The following GABRP variants were observed in gnomAD, a reference collection of about 807,000 sequenced individuals.
GABRP encodes gamma-aminobutyric acid type A receptor subunit pi.
GABRP carries 52 observed loss-of-function variants against 47.8 expected under a neutral mutation model. The observed-to-expected ratio is 1.09, with a 90% CI of 0.87 to 1.37. The LOEUF is 1.37. Among genes scored for constraint, GABRP ranks in the 40% most tolerant of loss-of-function variants. The pLI, the probability that GABRP is intolerant of heterozygous loss-of-function variation, is 0.00. For synonymous variants in GABRP, 221 were observed against 205.8 expected (o/e 1.07, Z -0.63); for missense variants, 525 against 542.8 (o/e 0.97, Z 0.33).
At chr5:170,809,390 T>C (rs1472600797) in intron 8 of GABRP, among the ~76,000 whole-genome samples, 178 bp from the exon 9 acceptor site, 1 of 152,150 alleles carries the variant, frequency 6.6e-6, no homozygotes, top group Admixed American at 6.5e-5. Flanking sequence ...CCCTCATATC[T>C]GTACAAAATG....
In GABRP at chr5:170,783,912, AG is replaced by A. The variant is rs543461187; in HGVS notation, c.-43+42del. 6.8e-4 allele frequency: 104 copies of A among 152,338 alleles called. 2 individuals are homozygous for A. In the East Asian group the frequency reaches 0.017, roughly 25 times the overall value. 9.4% of individuals were successfully genotyped at this position (152,338 alleles called of 1,614,324 possible). A position where few individuals can be genotyped will look rare whatever the true frequency, so the allele number is the denominator to read the frequency against. On this transcript the variant is annotated intron_variant, in intron 1 of 9. Coordinates refer to ENST00000265294, the MANE Select transcript of GABRP (RefSeq NM_014211.3). ...CTGGCCCCTCCAGGTGTCTGGAGAG[AG>A]GGGAGGGAGGGAGATCCAAATACAA...
intron 6 of GABRP, among the ~76,000 whole-genome samples, chr5:170,800,762 A>C (rs555296890): frequency 6.6e-6 from 1 of 152,324 alleles, no homozygotes; most frequent in South Asian, 2.1e-4. Flanking sequence ...CCTGGCCAAG[A>C]TGGTGAAACC....
intron 6 of GABRP, among the ~76,000 whole-genome samples, chr5:170,799,077 A>G (rs1292633002): frequency 6.6e-6 from 1 of 152,006 alleles, no homozygotes; most frequent in Non-Finnish European, 1.5e-5. Context: ...GATGGTTTCC[A>G]GCTTCATCCA....
rs773168453 is a variant in GABRP, at chr5:170,795,360, T to C, written c.393T>C (p.His131=). 14 of 1,614,088 alleles carry C rather than the reference T, an allele frequency of 8.7e-6. No homozygotes were observed. In the Admixed American group the frequency reaches 2.0e-4, roughly 23 times the overall value. ...YIVESKKSFL[H]EVTVGNRLIR... ...TGGAGTCCAAGAAGTCCTTCCTCCA[T>C]GAAGTCACTGTGGGAAACAGGCTCA... The change falls in exon 5 of 10, where the codon CAT becomes CAC. Residue 131 remains histidine (H), a synonymous_variant. Transcript: ENST00000265294.
chr5:170,800,399 A>G (rs1315649522), intron 6 of GABRP, among the ~76,000 whole-genome samples: 1 of 152,164 alleles, frequency 6.6e-6, no homozygotes, highest in East Asian at 1.9e-4. Flanking sequence ...CTAGAAGAAA[A>G]CCTAAGCAAT....
intron 3 of GABRP, among the ~76,000 whole-genome samples, chr5:170,789,816 C>T (rs942782435): frequency 1.3e-5 from 2 of 152,162 alleles, no homozygotes; most frequent in Non-Finnish European, 2.9e-5. Flanking sequence ...TCCCTGACAT[C>T]CCTGGCCTCT....
At position 170,809,635 on chromosome 5, in the gene GABRP, C is replaced by T; in HGVS notation, c.900C>T (p.Asn300=). The T allele has an allele frequency of 6.2e-7, 1 of 1,614,216 alleles. No individual in the cohort carries two copies. ...CCCGCACTTCTCTTCCCAACACCAA[C>T]TGCTTCATCAAGGCCATCGATGTGT... The part of the protein sequence containing the change: ...IGSRTSLPNT[N]CFIKAIDVYL... Residue 300 remains asparagine, a synonymous_variant, in exon 9 of 10, where the codon AAC becomes AAT. Coordinates refer to ENST00000265294, the MANE Select transcript of GABRP (RefSeq NM_014211.3).
intron 5 of GABRP, among the ~76,000 whole-genome samples, chr5:170,795,905 T>C (rs1447344374): frequency 6.6e-6 from 1 of 152,206 alleles, no homozygotes; most frequent in Non-Finnish European, 1.5e-5. Flanking sequence ...AGAACACCAC[T>C]CTACTTGTCT....
chr5:170,794,152 C>T (rs1765356476), intron 3 of GABRP, 79 bp from the exon 4 acceptor site: 1 of 852,880 alleles, frequency 1.2e-6, no homozygotes, highest in Non-Finnish European at 1.7e-6. Flanking sequence ...TAATTTTAAT[C>T]TTTTTTAGAA....
chr5:170,803,734 T>G (rs1342515275), intron 6 of GABRP, among the ~76,000 whole-genome samples: 1 of 147,054 alleles, frequency 6.8e-6, no homozygotes, highest in Admixed American at 6.9e-5. Flanking sequence ...AATGGAATCA[T>G]GCACTATGTG....
chr5:170,804,451 C>G (rs1387709742), intron 6 of GABRP, among the ~76,000 whole-genome samples: 1 of 152,088 alleles, frequency 6.6e-6, no homozygotes, highest in Non-Finnish European at 1.5e-5. Flanking sequence ...GTTACTGTTT[C>G]CCAAAGTGGT....
Position 170,789,271 on chromosome 5 carries a change from A to G in GABRP, c.172+24A>G. ...TGGTAGGTCATCCTCTGTGTCCAGG[A>G]CATCATTCAAAGGGACGAAAACAGA... is the stretch of plus-strand genomic sequence containing the variant. On this transcript the variant is annotated intron_variant, in intron 3 of 9. Transcript: ENST00000265294. 4.7e-6 allele frequency: 7 copies of G among 1,485,862 alleles called. No homozygotes were observed. In the South Asian group the frequency reaches 5.7e-5, roughly 12 times the overall value. 92.0% of individuals were successfully genotyped at this position (1,485,862 alleles called of 1,614,324 possible).
chr5:170,791,161 TG>T (rs2127252448), intron 3 of GABRP, among the ~76,000 whole-genome samples: 1 of 152,310 alleles, frequency 6.6e-6, no homozygotes, highest in South Asian at 2.1e-4. Context: ...GCAGGGTCCT[TG>T]GGCAAGGAGC....
At chr5:170,801,629 C>T (rs1765594162) in intron 6 of GABRP, among the ~76,000 whole-genome samples, 1 of 152,126 alleles carries the variant, frequency 6.6e-6, no homozygotes, top group African/African-American at 2.4e-5. Context: ...ACTAAAGTCT[C>T]CAGCCAGTCT....
chr5:170,795,506 C>A, intron 5 of GABRP, 81 bp downstream of exon 5: 1 of 1,166,418 alleles, frequency 8.6e-7, no homozygotes, highest in Non-Finnish European at 1.3e-6. Flanking sequence ...TAGTTGTGAC[C>A]AGAACTCAAA....
Position 170,812,180 on chromosome 5 carries a change from T to A in GABRP, c.1245T>A (p.Asp415Glu), listed in dbSNP as rs772656047. The change falls in exon 10 of 10, where the codon GAT becomes GAA. Residue 415 changes from aspartate to glutamate, a missense_variant. By Grantham distance (45) the Asp-to-Glu change is conservative (BLOSUM62 2). Transcript: ENST00000265294. Reference protein sequence around the residue: ...YFTIQNPSNVDHYSKLLFPLI... With the variant: ...YFTIQNPSNVEHYSKLLFPLI... ...CAATTCAAAACCCCAGTAATGTTGA[T>A]CACTATTCCAAACTACTGTTTCCTT... The A allele has an allele frequency of 6.2e-7, 1 of 1,614,024 alleles. No homozygotes were observed. Among genetic ancestry groups the A allele is most frequent in the East Asian group, 2.2e-5 (1 of 44,884 alleles).
At chr5:170,785,756 G>T (rs1317857959) in intron 1 of GABRP, among the ~76,000 whole-genome samples, 2 of 152,186 alleles carry the variant, frequency 1.3e-5, no homozygotes, top group Non-Finnish European at 2.9e-5. Context: ...AGGAAATGAG[G>T]AATATGCCAA....
intron 6 of GABRP, among the ~76,000 whole-genome samples, chr5:170,804,580 T>G (rs779770448): frequency 8.5e-5 from 13 of 152,192 alleles, no homozygotes; most frequent in Non-Finnish European, 1.5e-4. Flanking sequence ...ATTGTGGTTT[T>G]GATTTGCATT....
chr5:170,803,088 G>A (rs925665220), intron 6 of GABRP, among the ~76,000 whole-genome samples: 1 of 152,040 alleles, frequency 6.6e-6, no homozygotes, highest in Admixed American at 6.6e-5. Flanking sequence ...TTTTAATGTG[G>A]GATGGTAGCC....
Sources: allele counts gnomAD v4.1 joint callset (sites outside exome capture counted in the v4.1 genomes callset), GRCh38; gene constraint gnomAD v4.1.1; transcripts MANE v1.5; gene names NCBI Gene and HGNC (gene_info 2026-07-23, HGNC 2026-07-21).